Variants in GREB1L observed in about 807,000 individuals in gnomAD.
The protein encoded by GREB1L is GREB1-like protein.
In GREB1L, 17 loss-of-function variants were observed where a neutral mutation model predicts 200.8. The ratio of observed to expected loss-of-function variants is 0.08; its 90% CI spans 0.06 to 0.13. GREB1L has a LOEUF of 0.13. Ranked by LOEUF, GREB1L falls within the 10% of genes least tolerant of loss-of-function variation. GREB1L has a pLI of 1.00. For synonymous variants in GREB1L, 789 were observed against 893.0 expected, an observed-to-expected ratio of 0.88 and a Z score of 2.08; for missense variants, 1,657 against 2,367.7, an observed-to-expected ratio of 0.70 and a Z score of 6.23.
At position 21,383,650 on chromosome 18, in the gene GREB1L, T is replaced by C. The variant is rs368810716; in HGVS notation, c.132T>C (p.Pro44=). 1.4e-5 allele frequency: 21 copies of C among 1,551,070 alleles called. No homozygotes were observed. The African/African-American group carries it at 2.7e-4, about 20-fold the overall frequency. The part of the protein sequence containing the change: ...RPIFSQLYLD[P]DQHPFSSADV... The stretch of plus-strand genomic sequence containing the variant: ...TTTTTTCCCAGCTATACCTGGACCC[T>C]GACCAGCATCCTTTCTCATCTGCAG... Residue 44 remains proline (P), a synonymous_variant, in exon 3 of 33, where the codon CCT becomes CCC. Coordinates refer to ENST00000424526, the MANE Select transcript of GREB1L (RefSeq NM_001142966.3).
intron 1 of GREB1L, among the ~76,000 whole-genome samples, chr18:21,321,220 G>A (rs1250493596): frequency 2.0e-5 from 3 of 151,950 alleles, no homozygotes; most frequent in East Asian, 1.9e-4. Flanking sequence ...GCTTGAACCC[G>A]GGAGGTGGAG....
intron 1 of GREB1L, among the ~76,000 whole-genome samples, chr18:21,324,625 A>G (rs552901236): frequency 1.5e-4 from 23 of 152,152 alleles, no homozygotes; most frequent in Non-Finnish European, 2.9e-4. Context: ...CCTGGCTAAC[A>G]CGGTGAAACC....
chr18:21,330,381 GCCTCTCTTGGCAGCAT>G (rs2039090297), intron 1 of GREB1L, among the ~76,000 whole-genome samples: 1 of 152,176 alleles, frequency 6.6e-6, no homozygotes. Flanking sequence ...GCCTTAAGTG[GCCTCTCTTGGCAGCAT>G]CTGTAAAGAA....
intron 1 of GREB1L, among the ~76,000 whole-genome samples, chr18:21,292,184 G>A (rs1409104751): frequency 9.9e-5 from 15 of 152,172 alleles, no homozygotes; most frequent in African/African-American, 3.4e-4. Context: ...GCCTTGTTAG[G>A]TGCTACTGGC....
intron 7 of GREB1L, among the ~76,000 whole-genome samples, chr18:21,430,581 C>CTTT (rs147151717): frequency 6.6e-5 from 4 of 60,190 alleles, no homozygotes; most frequent in Admixed American, 2.1e-4. Flanking sequence ...GATTTGGGAT[C>CTTT]TTTTTTTTTT....
At chr18:21,379,748 G>A (rs1357514262) in intron 2 of GREB1L, among the ~76,000 whole-genome samples, 1 of 152,166 alleles carries the variant, frequency 6.6e-6, no homozygotes, top group East Asian at 1.9e-4. Flanking sequence ...TAAACTAGTG[G>A]CACAGCCTAT....
At position 21,383,596 on chromosome 18, in the gene GREB1L, C is replaced by T. The variant is rs377695337; in HGVS notation, c.78C>T (p.Leu26=). 2 of 1,550,758 alleles carry T rather than the reference C, an allele frequency of 1.3e-6. No individual in the cohort carries two copies. Among genetic ancestry groups the T allele is most frequent in the Non-Finnish European group, 8.7e-7 (1 of 1,146,598 alleles). ...TCCACAACTCCATAGAAGCCTCCCTCAGATGTAGTAGTGTGGTACCACGGC... is the reference window on the plus strand; with the variant it reads ...TCCACAACTCCATAGAAGCCTCCCTTAGATGTAGTAGTGTGGTACCACGGC... ...EALHNSIEAS[L]RCSSVVPRPI... is the part of the protein sequence containing the mutation. Residue 26 remains leucine (L), a synonymous_variant, in exon 3 of 33, where the codon CTC becomes CTT. Coordinates refer to ENST00000424526, the MANE Select transcript of GREB1L (RefSeq NM_001142966.3).
intron 1 of GREB1L, among the ~76,000 whole-genome samples, chr18:21,302,250 G>A (rs1362588633): frequency 6.6e-6 from 1 of 152,190 alleles, no homozygotes; most frequent in East Asian, 1.9e-4. Context: ...AGAGTGCCTT[G>A]GGAATGAATA....
intron 1 of GREB1L, among the ~76,000 whole-genome samples, chr18:21,315,240 C>A (rs1442871747): frequency 6.6e-6 from 1 of 152,130 alleles, no homozygotes; most frequent in Non-Finnish European, 1.5e-5. Flanking sequence ...CAGGCACGCA[C>A]CACCATGTGC....
At chr18:21,399,491 G>GGATGGATGGATA (rs1567979051) in intron 5 of GREB1L, among the ~76,000 whole-genome samples, 4 of 151,512 alleles carry the variant, frequency 2.6e-5, no homozygotes, top group African/African-American at 9.7e-5. Flanking sequence ...ATGGATGGAT[G>GGATGGATGGATA]GATAGATGGA....
At chr18:21,349,133 TC>T (rs1245812737) in intron 1 of GREB1L, among the ~76,000 whole-genome samples, 2 of 152,174 alleles carry the variant, frequency 1.3e-5, no homozygotes, top group Non-Finnish European at 2.9e-5. Flanking sequence ...CATCACCTCT[TC>T]CTAGACTCCT....
At chr18:21,342,950 T>C (rs1383901890) in intron 1 of GREB1L, among the ~76,000 whole-genome samples, 2 of 152,188 alleles carry the variant, frequency 1.3e-5, no homozygotes, top group African/African-American at 4.8e-5. Flanking sequence ...AAGAACAAAG[T>C]GAAGTCTCTG....
At chr18:21,335,463 G>C (rs1443569387) in intron 1 of GREB1L, among the ~76,000 whole-genome samples, 1 of 152,148 alleles carries the variant, frequency 6.6e-6, no homozygotes, top group African/African-American at 2.4e-5. Flanking sequence ...ATTAATCTGA[G>C]AAGTTAGATG....
intron 7 of GREB1L, among the ~76,000 whole-genome samples, chr18:21,412,198 G>C (rs945155240): frequency 2.0e-5 from 3 of 151,702 alleles, no homozygotes; most frequent in Non-Finnish European, 4.4e-5. Flanking sequence ...AGGAGTTCAA[G>C]ACTAGCCTTG....
chr18:21,470,154 A>G (rs1166166262), intron 15 of GREB1L, among the ~76,000 whole-genome samples: 1 of 151,890 alleles, frequency 6.6e-6, no homozygotes, highest in East Asian at 1.9e-4. Flanking sequence ...CAGGCATGCT[A>G]GCACATGCCT....
intron 1 of GREB1L, among the ~76,000 whole-genome samples, chr18:21,344,242 A>G (rs1438719546): frequency 1.3e-5 from 2 of 152,148 alleles, no homozygotes; most frequent in East Asian, 3.9e-4. Flanking sequence ...TCTATGAAAA[A>G]TACCAAAAAT....
chr18:21,282,156 G>A (rs1409985940), intron 1 of GREB1L, among the ~76,000 whole-genome samples: 1 of 152,012 alleles, frequency 6.6e-6, no homozygotes, highest in African/African-American at 2.4e-5. Flanking sequence ...TGTGCCTGTA[G>A]CCCCAGCTAC....
chr18:21,318,759 C>A (rs2038909464), intron 1 of GREB1L, among the ~76,000 whole-genome samples: 1 of 152,150 alleles, frequency 6.6e-6, no homozygotes, highest in African/African-American at 2.4e-5. Context: ...TTGTAGGAGT[C>A]ACCAGGGCTC....
chr18:21,249,120 A>G (rs2037656120), intron 1 of GREB1L, among the ~76,000 whole-genome samples: 1 of 152,156 alleles, frequency 6.6e-6, no homozygotes, highest in Admixed American at 6.5e-5. Flanking sequence ...ATATGTCGTG[A>G]AACTATTTCT....
Sources: allele counts gnomAD v4.1 joint callset (sites outside exome capture counted in the v4.1 genomes callset), GRCh38; gene constraint gnomAD v4.1.1; transcripts MANE v1.5; gene names NCBI Gene and HGNC (gene_info 2026-07-23, HGNC 2026-07-21).